The following CDK5RAP2 variants were observed in gnomAD, a reference collection of about 807,000 sequenced individuals.
CDK5RAP2 encodes CDK5 regulatory subunit associated protein 2.
CDK5RAP2 carries 147 observed loss-of-function variants against 232.9 expected under a neutral mutation model. The observed-to-expected ratio is 0.63, with a 90% CI of 0.55 to 0.72. The LOEUF (loss-of-function observed/expected upper bound fraction) is 0.72. CDK5RAP2 is among the 30% of genes least tolerant of loss of function. The pLI is 0.00. For missense variants in CDK5RAP2, 2,195 were observed against 2,231.5 expected, an observed-to-expected ratio of 0.98 and a Z score of 0.33; for synonymous variants, 833 against 833.7, an observed-to-expected ratio of 1.00 and a Z score of 0.01.
intron 25 of CDK5RAP2, among the ~76,000 whole-genome samples, chr9:120,428,333 G>A (rs370167734): frequency 6.6e-6 from 1 of 151,956 alleles, no homozygotes; most frequent in African/African-American, 2.4e-5. Flanking sequence ...TTTTGTGAAA[G>A]GATCAACAAA....
At chr9:120,449,873 T>C (rs77640810) in intron 21 of CDK5RAP2, among the ~76,000 whole-genome samples, 2 of 152,156 alleles carry the variant, frequency 1.3e-5, no homozygotes, top group South Asian at 2.1e-4. Flanking sequence ...ACAACAAGTG[T>C]TGATGAAGCG....
intron 25 of CDK5RAP2, among the ~76,000 whole-genome samples, chr9:120,429,756 T>C (rs2035158064): frequency 6.6e-6 from 1 of 152,078 alleles, no homozygotes; most frequent in Admixed American, 6.6e-5. Context: ...CTGGAAAAAA[T>C]GATTTTAAAG....
At chr9:120,457,170 G>A (rs1405683902) in intron 20 of CDK5RAP2, among the ~76,000 whole-genome samples, 1 of 152,120 alleles carries the variant, frequency 6.6e-6, no homozygotes, top group Admixed American at 6.5e-5. Flanking sequence ...GGCTCATAAA[G>A]GTTCAGGATC....
In CDK5RAP2 at chr9:120,458,484, A is replaced by G; in HGVS notation, c.2341T>C (p.Phe781Leu). Reference sequence around the variant, plus strand: ...AGTAATAATGTGGCCTTCTCATTGAACAAAGGGGCAAGCAGGTTTATGAAT... The same window carrying G: ...AGTAATAATGTGGCCTTCTCATTGAGCAAAGGGGCAAGCAGGTTTATGAAT... ...GAFINLLAPL[F>L]NEKATLLLES... is the part of the protein sequence containing the mutation. Residue 781 changes from phenylalanine (F) to leucine (L), a missense_variant, in exon 20 of 38, where the codon TTC becomes CTC. Physicochemically the swap from Phe to Leu is conservative, Grantham distance 22. Transcript: ENST00000349780. 6.2e-7 allele frequency: 1 copy of G among 1,614,168 alleles called. No individual in the cohort carries two copies. The highest frequency in any genetic ancestry group is 1.1e-5 in the South Asian group (1 of 91,072).
In CDK5RAP2 at chr9:120,527,655, A is replaced by G. The variant is rs576200415; in HGVS notation, c.999+151T>C. On this transcript the variant is annotated intron_variant, in intron 10 of 37. Coordinates refer to ENST00000349780, the MANE Select transcript of CDK5RAP2 (RefSeq NM_018249.6). ...GCACTGGATTAGACACTCCAAAAGA[A>G]TTTCCGGTTGACTAGAGGATCATTT... The G allele has an allele frequency of 1.0e-4, 83 of 808,490 alleles. 1 individual carries two copies. The South Asian group carries it at 1.4e-3, about 14-fold the overall frequency. 50.1% of individuals were successfully genotyped at this position (808,490 alleles called of 1,614,324 possible).
chr9:120,489,374 T>C (rs1322645329), intron 13 of CDK5RAP2, among the ~76,000 whole-genome samples: 2 of 152,224 alleles, frequency 1.3e-5, no homozygotes, highest in Non-Finnish European at 2.9e-5. Flanking sequence ...GCCCTTTCAA[T>C]GTAGAAATAG....
chr9:120,573,468 G>C (rs1247565660), intron 1 of CDK5RAP2, among the ~76,000 whole-genome samples: 1 of 151,398 alleles, frequency 6.6e-6, no homozygotes, highest in Non-Finnish European at 1.5e-5. Context: ...AGAATCACTT[G>C]AACCCAGGAG....
rs894182991 is a variant in CDK5RAP2, at chr9:120,465,320, C to G, written c.2106+2540G>C. On this transcript the variant is annotated intron_variant, in intron 18 of 37. Transcript: ENST00000349780. The stretch of plus-strand genomic sequence containing the variant: ...CTCTATATCGATTTTCAACCTAATT[C>G]TCCTATAATGCATGAAAAACCAGCA... 2.6e-5 allele frequency among the ~76,000 whole-genome samples: 4 copies of G among 152,260 alleles called. No individual in the cohort carries two copies. The South Asian group carries it at 8.3e-4, about 32-fold the overall frequency.
At chr9:120,494,291 T>C (rs996173636) in intron 12 of CDK5RAP2, among the ~76,000 whole-genome samples, 5 of 152,202 alleles carry the variant, frequency 3.3e-5, no homozygotes, top group East Asian at 1.9e-4. Flanking sequence ...GTAATGAGGA[T>C]ACCTATCATT....
intron 16 of CDK5RAP2, 132 bp from the exon 17 acceptor site, chr9:120,470,352 G>C (rs1308505491): frequency 3.3e-6 from 2 of 600,222 alleles, no homozygotes; most frequent in Admixed American, 6.1e-5. Context: ...GCGGAAGGGA[G>C]CATAGTACAC....
intron 29 of CDK5RAP2, among the ~76,000 whole-genome samples, chr9:120,410,121 G>A (rs1237250542): frequency 6.6e-6 from 1 of 152,126 alleles, no homozygotes; most frequent in Non-Finnish European, 1.5e-5. Flanking sequence ...TTCCAAGGCA[G>A]GCACTATTAT....
intron 25 of CDK5RAP2, among the ~76,000 whole-genome samples, chr9:120,431,569 A>G (rs917910634): frequency 2.0e-5 from 3 of 152,138 alleles, no homozygotes; most frequent in African/African-American, 7.2e-5. Context: ...TCTTCATATC[A>G]TCATCATCAT....
At chr9:120,446,085 G>C (rs1434663057) in intron 22 of CDK5RAP2, among the ~76,000 whole-genome samples, 4 of 152,114 alleles carry the variant, frequency 2.6e-5, no homozygotes, top group African/African-American at 7.2e-5. Context: ...AAATACTTTA[G>C]GCTTTGCAGG....
chr9:120,437,071 T>C (rs546578637), intron 25 of CDK5RAP2, among the ~76,000 whole-genome samples: 1 of 152,282 alleles, frequency 6.6e-6, no homozygotes, highest in East Asian at 1.9e-4. Flanking sequence ...GCCCGGCCCC[T>C]GAGGCGTCTA....
intron 26 of CDK5RAP2, 81 bp from the exon 27 acceptor site, chr9:120,420,041 T>C: frequency 8.8e-7 from 1 of 1,134,806 alleles, no homozygotes; most frequent in Middle Eastern, 1.9e-4. Flanking sequence ...ATACTTACGA[T>C]TACTTTACTC....
intron 35 of CDK5RAP2, 131 bp from the exon 36 acceptor site, chr9:120,394,769 C>G (rs2032315813): frequency 2.4e-6 from 2 of 829,436 alleles, no homozygotes; most frequent in Non-Finnish European, 3.8e-6. Flanking sequence ...AAACTAGAAG[C>G]CTTTTCCTGA....
chr9:120,393,904 C>T (rs534419589), intron 36 of CDK5RAP2, among the ~76,000 whole-genome samples: 1 of 152,246 alleles, frequency 6.6e-6, no homozygotes, highest in South Asian at 2.1e-4. Flanking sequence ...GTGGAGCAGC[C>T]ACCAGCGAGC....
intron 3 of CDK5RAP2, among the ~76,000 whole-genome samples, chr9:120,551,839 A>C (rs1222172693): frequency 6.6e-6 from 1 of 152,246 alleles, no homozygotes; most frequent in Non-Finnish European, 1.5e-5. Context: ...GTCCTAAGAA[A>C]GAGACACATG....
At chr9:120,477,499 G>A (rs2038079189) in intron 14 of CDK5RAP2, 49 bp from the exon 15 acceptor site, 2 of 1,337,674 alleles carry the variant, frequency 1.5e-6, no homozygotes, top group Admixed American at 1.7e-5. Context: ...TTTTGAAAGA[G>A]TACATCCTTA....
Sources: allele counts gnomAD v4.1 joint callset (sites outside exome capture counted in the v4.1 genomes callset), GRCh38; gene constraint gnomAD v4.1.1; transcripts MANE v1.5; gene names NCBI Gene and HGNC (gene_info 2026-07-23, HGNC 2026-07-21).